The following KHDRBS2 variants were observed in gnomAD, a reference collection of about 807,000 sequenced individuals.
KHDRBS2 encodes KH domain-containing, RNA-binding, signal transduction-associated protein 2.
In KHDRBS2, 26 loss-of-function variants were observed where a neutral mutation model predicts 44.3. That is an observed-to-expected ratio of 0.59 (90% CI 0.43 to 0.81). KHDRBS2 has a LOEUF of 0.81. Ranked by LOEUF, KHDRBS2 falls within the 40% of genes least tolerant of loss-of-function variation. The probability of loss-of-function intolerance (pLI) is 0.00; values close to 1 mark genes in which losing one functional copy is unlikely to be tolerated. For synonymous variants in KHDRBS2, 194 were observed against 151.1 expected, an observed-to-expected ratio of 1.28 and a Z score of -2.08; for missense variants, 476 against 433.1, an observed-to-expected ratio of 1.10 and a Z score of -0.88.
At chr6:61,946,108 G>C (rs533022266) in intron 4 of KHDRBS2, among the ~76,000 whole-genome samples, 1 of 152,248 alleles carries the variant, frequency 6.6e-6, no homozygotes, top group East Asian at 1.9e-4. Context: ...GAAATAAACT[G>C]CATAGGCATA....
At chr6:61,860,032 A>C (rs1796694887) in intron 6 of KHDRBS2, among the ~76,000 whole-genome samples, 1 of 151,930 alleles carries the variant, frequency 6.6e-6, no homozygotes, top group African/African-American at 2.4e-5. Context: ...TTTGAGAATA[A>C]AATTAGATGG....
At chr6:62,049,725 T>C (rs1356389113) in intron 2 of KHDRBS2, among the ~76,000 whole-genome samples, 2 of 152,048 alleles carry the variant, frequency 1.3e-5, no homozygotes, top group African/African-American at 2.4e-5. Context: ...AGGTTGCCTG[T>C]TCATTCTGTT....
At chr6:61,567,962 G>T in the KHDRBS2 span, among the ~76,000 whole-genome samples, 4 of 151,768 alleles carry the variant, frequency 2.6e-5, no homozygotes, top group Non-Finnish European at 5.9e-5. Flanking sequence ...CCATCATTTT[G>T]TAGTTTCATG....
Position 61,940,546 on chromosome 6 carries a change from C to A in KHDRBS2, c.483+37520G>T, listed in dbSNP as rs540458129. ...GCCTCAAGCTATCTTCCCAACTTGG[C>A]CTCTCAAAGTGCTTAAATTACAGGT... On this transcript the variant is annotated intron_variant, in intron 4 of 8. Coordinates refer to ENST00000281156, the MANE Select transcript of KHDRBS2 (RefSeq NM_152688.4). 2.0e-5 allele frequency among the ~76,000 whole-genome samples: 3 copies of A among 152,232 alleles called. No homozygotes were observed. In the East Asian group the frequency reaches 5.8e-4, roughly 29 times the overall value.
the KHDRBS2 span, among the ~76,000 whole-genome samples, chr6:61,560,893 G>C: frequency 1.3e-5 from 2 of 152,096 alleles, no homozygotes; most frequent in Admixed American, 6.6e-5. Context: ...CAGTGTCTGG[G>C]TATTGAAGAG....
At chr6:61,842,421 T>C (rs1351497826) in intron 6 of KHDRBS2, among the ~76,000 whole-genome samples, 2 of 152,180 alleles carry the variant, frequency 1.3e-5, no homozygotes, top group African/African-American at 4.8e-5. Context: ...TACCTTTGCA[T>C]GTGTGATCCA....
At chr6:62,017,455 G>T (rs1399161442) in intron 3 of KHDRBS2, among the ~76,000 whole-genome samples, 1 of 151,928 alleles carries the variant, frequency 6.6e-6, no homozygotes, top group African/African-American at 2.4e-5. Context: ...AACTAATAGG[G>T]TTGTTATATG....
chr6:61,723,837 C>T (rs1334311259), intron 7 of KHDRBS2, among the ~76,000 whole-genome samples: 1 of 152,080 alleles, frequency 6.6e-6, no homozygotes, highest in Non-Finnish European at 1.5e-5. Flanking sequence ...GAGAGCAGAC[C>T]TATGACTGAT....
intron 2 of KHDRBS2, among the ~76,000 whole-genome samples, chr6:62,098,553 C>T (rs1801165908): frequency 6.6e-6 from 1 of 152,090 alleles, no homozygotes; most frequent in Non-Finnish European, 1.5e-5. Flanking sequence ...TGCTTCTTTT[C>T]TCTTGTGGCT....
At chr6:61,615,790 A>G in the KHDRBS2 span, among the ~76,000 whole-genome samples, 2 of 152,226 alleles carry the variant, frequency 1.3e-5, no homozygotes, top group East Asian at 3.8e-4. Flanking sequence ...TGAAAAATAA[A>G]TTGACATCCA....
chr6:62,022,098 G>A (rs1238653342), intron 3 of KHDRBS2, among the ~76,000 whole-genome samples: 1 of 150,884 alleles, frequency 6.6e-6, no homozygotes, highest in African/African-American at 2.4e-5. Context: ...TATTAGGAAA[G>A]CTCTTGATAA....
chr6:62,126,189 C>T (rs1808926350), intron 2 of KHDRBS2, among the ~76,000 whole-genome samples: 1 of 152,078 alleles, frequency 6.6e-6, no homozygotes, highest in African/African-American at 2.4e-5. Flanking sequence ...CTTGAGTGAA[C>T]ATTAGCGTAG....
At chr6:62,062,368 A>G (rs1043629144) in intron 2 of KHDRBS2, among the ~76,000 whole-genome samples, 1 of 142,902 alleles carries the variant, frequency 7.0e-6, no homozygotes, top group African/African-American at 2.6e-5. Context: ...AATTGACCAC[A>G]TACTTGGAAG....
the KHDRBS2 span, among the ~76,000 whole-genome samples, chr6:61,651,100 A>G: frequency 6.6e-6 from 1 of 152,114 alleles, no homozygotes; most frequent in African/African-American, 2.4e-5. Flanking sequence ...AATAATAAGA[A>G]TATGATTGAT....
chr6:61,662,713 C>T, the KHDRBS2 span, among the ~76,000 whole-genome samples: 1 of 151,926 alleles, frequency 6.6e-6, no homozygotes, highest in Admixed American at 6.6e-5. Context: ...CCATCTCACA[C>T]CAGTTAGAAT....
At chr6:62,168,707 G>A (rs146366397) in intron 2 of KHDRBS2, among the ~76,000 whole-genome samples, 1 of 151,822 alleles carries the variant, frequency 6.6e-6, no homozygotes, top group East Asian at 1.9e-4. Flanking sequence ...TTATTCTTTT[G>A]GTATCTGTAA....
At chr6:62,138,071 G>A (rs1811957508) in intron 2 of KHDRBS2, among the ~76,000 whole-genome samples, 1 of 152,116 alleles carries the variant, frequency 6.6e-6, no homozygotes, top group Non-Finnish European at 1.5e-5. Flanking sequence ...TGACGTGTGG[G>A]CTGACTCTGC....
intron 2 of KHDRBS2, among the ~76,000 whole-genome samples, chr6:62,061,906 C>T (rs866869630): frequency 8.8e-4 from 133 of 151,714 alleles, no homozygotes; most frequent in African/African-American, 2.4e-3. Flanking sequence ...CTTCCCTTCT[C>T]GCTTCATTTC....
intron 2 of KHDRBS2, among the ~76,000 whole-genome samples, chr6:62,142,626 A>G (rs1204738615): frequency 6.6e-6 from 1 of 152,020 alleles, no homozygotes; most frequent in African/African-American, 2.4e-5. Flanking sequence ...AAAAAATTTC[A>G]TGATAAAGAG....
Sources: gnomAD v4.1 joint callset for allele counts (sites outside exome capture counted in the v4.1 genomes callset) on GRCh38, gnomAD v4.1.1 for gene constraint, MANE v1.5 for transcripts, NCBI Gene and HGNC (gene_info 2026-07-23, HGNC 2026-07-21) for gene names.